The following CHRM5 variants were observed in gnomAD, a reference collection of about 807,000 sequenced individuals.
CHRM5 encodes the protein cholinergic receptor muscarinic 5, also known as muscarinic acetylcholine receptor M5.
In CHRM5, 18 loss-of-function variants were observed where a neutral mutation model predicts 39.0. The observed-to-expected ratio is 0.46, with a 90% CI of 0.32 to 0.68. The LOEUF (loss-of-function observed/expected upper bound fraction) is 0.68, where lower values mean the gene tolerates loss of function less well. CHRM5 is among the 30% of genes least tolerant of loss of function. The pLI is 0.04. For synonymous variants in CHRM5, 241 were observed against 246.3 expected, an observed-to-expected ratio of 0.98 and a Z score of 0.20; for missense variants, 515 against 651.1, an observed-to-expected ratio of 0.79 and a Z score of 2.28.
intron 2 of CHRM5, among the ~76,000 whole-genome samples, chr15:34,048,037 T>G (rs201714341): frequency 1.3e-5 from 1 of 77,100 alleles, no homozygotes; most frequent in Non-Finnish European, 2.6e-5. Context: ...GTGTGTGTGT[T>G]TGTGTGTGTG....
intron 1 of CHRM5, among the ~76,000 whole-genome samples, chr15:33,971,782 A>G (rs1449985598): frequency 6.6e-6 from 1 of 152,064 alleles, no homozygotes. Flanking sequence ...CAACTAGCCA[A>G]TATATTTGTT....
intron 1 of CHRM5, among the ~76,000 whole-genome samples, chr15:34,004,509 G>A (rs1897257853): frequency 1.3e-5 from 2 of 152,082 alleles, no homozygotes; most frequent in Admixed American, 1.3e-4. Flanking sequence ...AGACAACTGG[G>A]AAAAAGTAAA....
intron 2 of CHRM5, among the ~76,000 whole-genome samples, chr15:34,052,375 C>T (rs1297618451): frequency 6.6e-6 from 1 of 152,204 alleles, no homozygotes; most frequent in Non-Finnish European, 1.5e-5. Context: ...CTGTGACAGA[C>T]TCACAGCCAA....
At chr15:33,988,836 C>A (rs1896596005) in intron 1 of CHRM5, among the ~76,000 whole-genome samples, 1 of 152,200 alleles carries the variant, frequency 6.6e-6, no homozygotes. Flanking sequence ...TTAAATGAAA[C>A]CAAATCCATT....
intron 1 of CHRM5, among the ~76,000 whole-genome samples, chr15:34,037,839 T>C (rs1473728945): frequency 1.3e-5 from 2 of 152,176 alleles, no homozygotes; most frequent in African/African-American, 2.4e-5. Flanking sequence ...CCTCAAGATA[T>C]TGTAAATACT....
intron 1 of CHRM5, among the ~76,000 whole-genome samples, chr15:33,998,844 T>C (rs1289710620): frequency 1.3e-5 from 2 of 152,216 alleles, no homozygotes; most frequent in Non-Finnish European, 2.9e-5. Context: ...CTAGACACTG[T>C]GGTGCCTGGG....
At chr15:33,984,230 G>A (rs1042582502) in intron 1 of CHRM5, among the ~76,000 whole-genome samples, 3 of 151,874 alleles carry the variant, frequency 2.0e-5, no homozygotes, top group Non-Finnish European at 4.4e-5. Flanking sequence ...GAAAGTACAC[G>A]GAAATTCACT....
chr15:34,029,605 A>G (rs1451793195), intron 1 of CHRM5, among the ~76,000 whole-genome samples: 1 of 152,200 alleles, frequency 6.6e-6, no homozygotes, highest in African/African-American at 2.4e-5. Flanking sequence ...TACTGACTTT[A>G]AAAAGAAAAG....
intron 1 of CHRM5, among the ~76,000 whole-genome samples, chr15:34,001,945 T>G (rs1372008315): frequency 1.3e-5 from 2 of 152,232 alleles, no homozygotes; most frequent in Non-Finnish European, 2.9e-5. Context: ...TTTACTTCCC[T>G]GCTTCTCACA....
chr15:34,059,144 G>A (rs185611000), intron 2 of CHRM5, among the ~76,000 whole-genome samples: 3 of 152,110 alleles, frequency 2.0e-5, no homozygotes, highest in South Asian at 2.1e-4. Flanking sequence ...CTATCCACCC[G>A]CCTCGGCCTC....
At chr15:34,030,115 A>G (rs903354427) in intron 1 of CHRM5, among the ~76,000 whole-genome samples, 1 of 152,008 alleles carries the variant, frequency 6.6e-6, no homozygotes, top group South Asian at 2.1e-4. Flanking sequence ...TTAGCCAGGC[A>G]TGGTGGCACA....
At chr15:33,978,376 C>T (rs1895982651) in intron 1 of CHRM5, among the ~76,000 whole-genome samples, 1 of 152,170 alleles carries the variant, frequency 6.6e-6, no homozygotes, top group East Asian at 1.9e-4. Context: ...AAAATTAAAG[C>T]GTACAGGCCG....
intron 1 of CHRM5, among the ~76,000 whole-genome samples, chr15:33,996,661 A>C (rs1054000120): frequency 6.6e-6 from 1 of 152,236 alleles, no homozygotes; most frequent in Non-Finnish European, 1.5e-5. Context: ...TAGCATCAAC[A>C]TCAACAAAAA....
intron 1 of CHRM5, among the ~76,000 whole-genome samples, chr15:33,970,149 T>C: frequency 6.6e-6 from 1 of 151,954 alleles, no homozygotes. Context: ...TGTGGTAATA[T>C]ACATAAAGTT....
intron 2 of CHRM5, among the ~76,000 whole-genome samples, chr15:34,052,081 T>C (rs76942467): frequency 0.026 from 3,938 of 152,248 alleles, 174 homozygotes; most frequent in African/African-American, 0.088. Context: ...TGATGAACAC[T>C]GATGCAAAAA....
intron 2 of CHRM5, among the ~76,000 whole-genome samples, chr15:34,055,975 C>T (rs918390999): frequency 6.6e-6 from 1 of 152,270 alleles, no homozygotes; most frequent in Admixed American, 6.5e-5. Context: ...ACCTCAGCCT[C>T]CCAAAGTGCT....
chr15:34,013,123 G>A lies in CHRM5; in HGVS notation c.-407-33417G>A, dbSNP rs563469576. On this transcript the variant is annotated intron_variant, in intron 1 of 2. Transcript: ENST00000383263. Reference sequence around the variant, plus strand: ...GTCGCCCCGGCTGGAGTGCAATGGCGCAATCTTGGCTCACTGCAACCTCTG... The same window carrying A: ...GTCGCCCCGGCTGGAGTGCAATGGCACAATCTTGGCTCACTGCAACCTCTG... Among the ~76,000 whole-genome samples, 402 of 152,044 alleles carry A rather than the reference G, an allele frequency of 2.6e-3. 1 individual carries two copies. The highest frequency in any genetic ancestry group is 9.3e-3 in the African/African-American group (385 of 41,502).
Position 34,047,616 on chromosome 15 carries a change from C to CTAT in CHRM5, c.-76+745_-76+746insTAT, listed in dbSNP as rs1491564171. Among the ~76,000 whole-genome samples, 371 of 152,266 alleles carry CTAT rather than the reference C, an allele frequency of 2.4e-3. 1 individual carries two copies. Among genetic ancestry groups the CTAT allele is most frequent in the Admixed American group, 4.4e-3 (68 of 15,304 alleles). Reference sequence around the variant, plus strand: ...GCTCCCAGCGGGAGGATGACTGTTACCTCTGTGGTTCAGTTGACTCAGCCA... The same window carrying CTAT: ...GCTCCCAGCGGGAGGATGACTGTTACTATCTCTGTGGTTCAGTTGACTCAGCCA... On this transcript the variant is annotated intron_variant, in intron 2 of 2. Coordinates refer to ENST00000383263, the MANE Select transcript of CHRM5 (RefSeq NM_012125.4).
intron 1 of CHRM5, among the ~76,000 whole-genome samples, chr15:34,015,603 T>C (rs1229906165): frequency 5.3e-5 from 8 of 152,344 alleles, no homozygotes; most frequent in Non-Finnish European, 1.0e-4. Flanking sequence ...CCCTCGGTCT[T>C]TAGGAGCTAA....
Sources: allele counts gnomAD v4.1 joint callset (sites outside exome capture counted in the v4.1 genomes callset), GRCh38; gene constraint gnomAD v4.1.1; transcripts MANE v1.5; gene names NCBI Gene and HGNC (gene_info 2026-07-23, HGNC 2026-07-21).